IRAK3: variants seen among roughly 807,000 people sequenced by gnomAD.
IRAK3 encodes interleukin 1 receptor associated kinase 3.
Under a neutral mutation model 56.6 loss-of-function variants are expected in IRAK3, and 57 were observed. The ratio of observed to expected loss-of-function variants is 1.01; its 90% confidence interval spans 0.81 to 1.26. IRAK3 has a LOEUF of 1.26. IRAK3 is among the 50% of genes most tolerant of loss of function. The probability of loss-of-function intolerance (pLI) is 0.00; values close to 1 mark genes in which losing one functional copy is unlikely to be tolerated. For synonymous variants in IRAK3, 258 were observed against 255.7 expected, an observed-to-expected ratio of 1.01 and a Z score of -0.09; for missense variants, 703 against 719.0, an observed-to-expected ratio of 0.98 and a Z score of 0.25.
rs34682166 is a variant in IRAK3, at chr12:66,211,520, A to G, written c.511A>G (p.Ile171Val). The change falls in exon 5 of 12, where the codon ATT becomes GTT. Residue 171 changes from isoleucine (I) to valine (V), a missense_variant. Ile to Val is a conservative substitution (Grantham distance 29, BLOSUM62 3). Coordinates refer to ENST00000261233, the MANE Select transcript of IRAK3 (RefSeq NM_007199.3). ...TAGAAATTTCCACAAAGACTTCCTA[A>G]TTGGAGAAGGAGAGATTTTTGAGGT... ...GTRNFHKDFLIGEGEIFEVYR... is the reference protein window; with the variant it reads ...GTRNFHKDFLVGEGEIFEVYR... 4.2e-4 allele frequency: 682 copies of G among 1,608,982 alleles called. 3 individuals carry two copies. The South Asian group carries it at 5.0e-3, about 12-fold the overall frequency.
At chr12:66,210,077 T>C in intron 3 of IRAK3, 70 bp from the exon 4 acceptor site, 1 of 1,008,466 alleles carries the variant, frequency 9.9e-7, no homozygotes, top group South Asian at 1.3e-5. Flanking sequence ...GAGCTTTGGA[T>C]TTGTGTTGAG....
intron 2 of IRAK3, among the ~76,000 whole-genome samples, chr12:66,204,776 G>GCA (rs1491545667): frequency 2.6e-5 from 2 of 77,066 alleles, no homozygotes; most frequent in African/African-American, 7.6e-5. Context: ...ATGAGCCCTT[G>GCA]CGCACACACA....
chr12:66,206,649 A>C (rs903935959), intron 2 of IRAK3, among the ~76,000 whole-genome samples: 3 of 152,150 alleles, frequency 2.0e-5, no homozygotes, highest in African/African-American at 7.2e-5. Context: ...TTTTGCATCT[A>C]TATTTGTAAG....
rs1358379605 is a variant in IRAK3, at chr12:66,217,185, G to A, written c.603G>A (p.Gln201=). 6.2e-7 allele frequency: 1 copy of A among 1,609,172 alleles called. No individual in the cohort carries two copies. Residue 201 remains glutamine (Q), a synonymous_variant, in exon 6 of 12, where the codon CAG becomes CAA. Transcript: ENST00000261233. ...VKLFKQEKKM[Q]CKKHWKRFLS... ...TGTATATGTAGGAGAAAAAAATGCA[G>A]TGTAAGAAGCATTGGAAGAGGTTTT... is the stretch of plus-strand genomic sequence containing the variant.
chr12:66,234,168 T>G lies in IRAK3; in HGVS notation c.887+5798T>G, dbSNP rs940622217. The G allele has an allele frequency of 1.1e-5, 17 of 1,614,088 alleles. No individual in the cohort carries two copies. In the African/African-American group the frequency reaches 2.1e-4, roughly 20 times the overall value. On this transcript the variant is annotated intron_variant, in intron 8 of 11. Transcript: ENST00000261233. ...CTTGCCTCCTCAACAGGAGCCGCTG[T>G]CGTCTGCATATGTTCATACTGTGGC...
At position 66,240,982 on chromosome 12, in the gene IRAK3, T is replaced by A. The variant is rs530020016; in HGVS notation, c.888-3504T>A. 2.0e-5 allele frequency among the ~76,000 whole-genome samples: 3 copies of A among 152,220 alleles called. No individual in the cohort carries two copies. The South Asian group carries it at 6.2e-4, about 32-fold the overall frequency. The stretch of plus-strand genomic sequence containing the variant: ...TCTAGGTGGAGCATCTTGTCTTATG[T>A]TTAAGGTCCAAGGGATTGAACTTAA... On this transcript the variant is annotated intron_variant, in intron 8 of 11. Transcript: ENST00000261233.
intron 8 of IRAK3, among the ~76,000 whole-genome samples, chr12:66,236,252 A>G (rs1442786569): frequency 1.3e-5 from 2 of 152,126 alleles, no homozygotes; most frequent in African/African-American, 4.8e-5. Context: ...GAAGACCACC[A>G]GAAATCTGGG....
chr12:66,215,786 G>GCGCACACACA, intron 5 of IRAK3, among the ~76,000 whole-genome samples: 1 of 122,910 alleles, frequency 8.1e-6, no homozygotes, highest in African/African-American at 3.1e-5. Flanking sequence ...AACCCAACAT[G>GCGCACACACA]CACACACACA....
intron 8 of IRAK3, chr12:66,234,135 G>A: frequency 6.2e-7 from 1 of 1,614,194 alleles, no homozygotes; most frequent in East Asian, 2.2e-5. Flanking sequence ...GCCACCTGCT[G>A]TTGACCACTT....
intron 6 of IRAK3, among the ~76,000 whole-genome samples, chr12:66,224,252 C>T (rs2052764398): frequency 6.6e-6 from 1 of 152,090 alleles, no homozygotes; most frequent in African/African-American, 2.4e-5. Context: ...TAGATCTTAC[C>T]TTTTCTATAA....
chr12:66,244,737 A>G, intron 9 of IRAK3, 53 bp downstream of exon 9: 1 of 1,478,930 alleles, frequency 6.8e-7, no homozygotes, highest in Admixed American at 1.7e-5. Context: ...AGAATGTTCT[A>G]GATTCTAAGA....
intron 5 of IRAK3, among the ~76,000 whole-genome samples, chr12:66,216,248 C>G (rs1255064070): frequency 6.6e-6 from 1 of 152,082 alleles, no homozygotes; most frequent in Non-Finnish European, 1.5e-5. Context: ...TAGAGATGGG[C>G]GGAAAATCCA....
At position 66,250,205 on chromosome 12, in the gene IRAK3, T is replaced by TC. The variant is rs2053083149; in HGVS notation, c.*2034_*2035insC. ...AACCATTTTCAGAGGATTTACTGAA[T>TC]TTTCCTCTCCAAGGAGCTTGTAATA... On this transcript the variant is annotated 3_prime_UTR_variant, in exon 12 of 12. Coordinates refer to ENST00000261233, the MANE Select transcript of IRAK3 (RefSeq NM_007199.3). The TC allele has an allele frequency of 6.6e-6, 1 of 152,246 alleles. No individual in the cohort carries two copies. The highest frequency in any genetic ancestry group is 6.5e-5 in the Admixed American group (1 of 15,286). The allele number at this position is 152,246 out of a possible 1,614,324, so 9.4% of individuals were successfully genotyped here.
intron 8 of IRAK3, among the ~76,000 whole-genome samples, chr12:66,238,323 A>G (rs1388472791): frequency 6.6e-6 from 1 of 152,236 alleles, no homozygotes; most frequent in East Asian, 1.9e-4. Context: ...CGCCTGCTGA[A>G]TAACTTGTTA....
In IRAK3 at chr12:66,220,912, A is replaced by G. The variant is rs182814488; in HGVS notation, c.653+3677A>G. On this transcript the variant is annotated intron_variant, in intron 6 of 11. Transcript: ENST00000261233. ...TTCTTCTATTTTTGTGAAAAATGGCATTGGAATTTTGATAGAAATGTGTTG... is the reference window on the plus strand; with the variant it reads ...TTCTTCTATTTTTGTGAAAAATGGCGTTGGAATTTTGATAGAAATGTGTTG... 5.9e-5 allele frequency among the ~76,000 whole-genome samples: 9 copies of G among 152,300 alleles called. No individual in the cohort carries two copies. The East Asian group carries it at 1.7e-3, about 29-fold the overall frequency.
chr12:66,236,521 T>C (rs1251387008), intron 8 of IRAK3, among the ~76,000 whole-genome samples: 2 of 151,046 alleles, frequency 1.3e-5, no homozygotes, highest in Non-Finnish European at 2.9e-5. Context: ...TGAGCTGAAA[T>C]TGCATCACTG....
At chr12:66,230,987 T>A (rs2052838343) in intron 8 of IRAK3, among the ~76,000 whole-genome samples, 3 of 152,158 alleles carry the variant, frequency 2.0e-5, no homozygotes, top group African/African-American at 7.2e-5. Context: ...AGCTTCTATC[T>A]CCTAGGGTTA....
chr12:66,243,905 T>C (rs2052998861), intron 8 of IRAK3, among the ~76,000 whole-genome samples: 1 of 152,222 alleles, frequency 6.6e-6, no homozygotes, highest in South Asian at 2.1e-4. Flanking sequence ...GACAACTGCT[T>C]ATATTGACTA....
At position 66,209,539 on chromosome 12, in the gene IRAK3, G is replaced by C; in HGVS notation, c.381+19G>C. 1 of 1,433,016 alleles carries C rather than the reference G, an allele frequency of 7.0e-7. No homozygotes were observed. Among genetic ancestry groups the C allele is most frequent in the South Asian group, 1.1e-5 (1 of 87,434 alleles). 88.8% of individuals were successfully genotyped at this position (1,433,016 alleles called of 1,614,324 possible). ...ATTCAAGGTAGAGTATGTGTGCATA[G>C]AAAATGAGCCTTGAACTTTGTTGCA... On this transcript the variant is annotated intron_variant, in intron 3 of 11. Transcript: ENST00000261233.
Sources: allele counts gnomAD v4.1 joint callset (sites outside exome capture counted in the v4.1 genomes callset), GRCh38; gene constraint gnomAD v4.1.1; transcripts MANE v1.5; gene names NCBI Gene and HGNC (gene_info 2026-07-23, HGNC 2026-07-21).